Variants in MGST1 observed in about 807,000 individuals in gnomAD.
MGST1 encodes the protein microsomal glutathione S-transferase 1, also known as glutathione S-transferase 12.
MGST1 carries 5 observed loss-of-function variants against 8.9 expected under a neutral mutation model. That is an observed-to-expected ratio of 0.56 (90% CI 0.29 to 1.19). The LOEUF is 1.19. MGST1 is among the 50% of genes most tolerant of loss of function. The pLI, the probability that MGST1 is intolerant of heterozygous loss-of-function variation, is 0.08. For missense variants in MGST1, 182 were observed against 187.4 expected, an observed-to-expected ratio of 0.97 and a Z score of 0.17; for synonymous variants, 54 against 67.8, an observed-to-expected ratio of 0.80 and a Z score of 1.00.
intron 4 of MGST1, among the ~76,000 whole-genome samples, chr12:16,506,583 AG>A (rs1941539025): frequency 1.3e-5 from 2 of 152,156 alleles, no homozygotes; most frequent in Admixed American, 6.5e-5. Context: ...TATAGAGCTG[AG>A]GTCATCATAC....
In MGST1 at chr12:16,474,476, A is replaced by C. The variant is rs149945470; in HGVS notation, n.482+90872A>C. Among the ~76,000 whole-genome samples the C allele has an allele frequency of 2.3e-4, 35 of 152,344 alleles. No homozygotes were observed. In the East Asian group the frequency reaches 6.6e-3, roughly 29 times the overall value. ...GCCAAGACTCTTGGATATCAATACC[A>C]AAGCAGACTTTCAAAATTACTCTAC... On this transcript the variant is annotated intron_variant and non_coding_transcript_variant, in intron 4 of 4. Transcript: ENST00000538857.
chr12:16,547,667 GCTTT>G lies in MGST1; in HGVS notation n.483-41858_483-41855del, dbSNP rs1371857536. Among the ~76,000 whole-genome samples the G allele has an allele frequency of 1.3e-5, 2 of 152,042 alleles. No individual in the cohort carries two copies. Among genetic ancestry groups the G allele is most frequent in the Admixed American group, 6.6e-5 (1 of 15,260 alleles). ...TTAAACTAATGACTATTAAATCTCTGCTTTCTATTACCTTAAATTACATTAAAAC... is the reference window on the plus strand; with the variant it reads ...TTAAACTAATGACTATTAAATCTCTGCTATTACCTTAAATTACATTAAAAC... On this transcript the variant is annotated intron_variant and non_coding_transcript_variant, in intron 4 of 4. Transcript: ENST00000538857. The surrounding 1 kb of genome is among the most constrained non-coding windows in gnomAD (Gnocchi z 4.6).
At position 16,582,003 on chromosome 12, in the gene MGST1, T is replaced by G. The variant is rs1303480988; in HGVS notation, n.483-7525T>G. ...TATTTACTTCGTTTTCTTATCTTATTACATTGGCTAGACCCTTTAAAACAT... is the reference window on the plus strand; with the variant it reads ...TATTTACTTCGTTTTCTTATCTTATGACATTGGCTAGACCCTTTAAAACAT... On this transcript the variant is annotated intron_variant and non_coding_transcript_variant, in intron 4 of 4. Coordinates refer to the MGST1 transcript ENST00000538857. The surrounding 1 kb of genome is among the most constrained non-coding windows in gnomAD (Gnocchi z 4.1). Among the ~76,000 whole-genome samples, 1 of 152,194 alleles carries G rather than the reference T, an allele frequency of 6.6e-6. No homozygotes were observed. Among genetic ancestry groups the G allele is most frequent in the Non-Finnish European group, 1.5e-5 (1 of 68,028 alleles).
Position 16,546,651 on chromosome 12 carries a change from T to C in MGST1, n.483-42877T>C, listed in dbSNP as rs1366331214. Among the ~76,000 whole-genome samples, 1 of 152,166 alleles carries C rather than the reference T, an allele frequency of 6.6e-6. No homozygotes were observed. Among genetic ancestry groups the C allele is most frequent in the Non-Finnish European group, 1.5e-5 (1 of 68,004 alleles). On this transcript the variant is annotated intron_variant and non_coding_transcript_variant, in intron 4 of 4. Coordinates refer to the MGST1 transcript ENST00000538857. The surrounding 1 kb of genome is among the most constrained non-coding windows in gnomAD (Gnocchi z 4.7). ...TTCAGTGTGTGTAATTGTTAACACC[T>C]GCTATGTGTTACCAACAGATGTTTC... is the stretch of plus-strand genomic sequence containing the variant.
chr12:16,401,082 T>A lies in MGST1; in HGVS notation n.778+17478T>A. 3 of 1,593,994 alleles carry A rather than the reference T, an allele frequency of 1.9e-6. No individual in the cohort carries two copies. Among genetic ancestry groups the A allele is most frequent in the South Asian group, 1.1e-5 (1 of 90,640 alleles). On this transcript the variant is annotated intron_variant and non_coding_transcript_variant, in intron 1 of 1. Coordinates refer to the MGST1 transcript ENST00000359720. This position sits in a 1 kb window ranked among gnomAD's most constrained non-coding sequence, Gnocchi z 4.3. ...GAGAACCTCTTCCCAAAAGGTCCTCTGCCTCATCTTTCTCCTCCTCCTCCT... is the reference window on the plus strand; with the variant it reads ...GAGAACCTCTTCCCAAAAGGTCCTCAGCCTCATCTTTCTCCTCCTCCTCCT...
chr12:16,404,871 T>C (rs1052707995), intron 1 of MGST1, among the ~76,000 whole-genome samples: 3 of 152,188 alleles, frequency 2.0e-5, no homozygotes, highest in African/African-American at 7.2e-5. Context: ...TTTTTTACAG[T>C]TGACTTGAGT....
rs1943190674 is a variant in MGST1 at position 16,582,436 on chromosome 12, T to A, written n.483-7092T>A. Among the ~76,000 whole-genome samples, 1 of 152,230 alleles carries A rather than the reference T, an allele frequency of 6.6e-6. No homozygotes were observed. The highest frequency in any genetic ancestry group is 1.5e-5 in the Non-Finnish European group (1 of 68,042). ...TAGCATTAGTGTTTTATATTTTATATTGTCTTTATCAGGTCAAGGTACTGT... is the reference window on the plus strand; with the variant it reads ...TAGCATTAGTGTTTTATATTTTATAATGTCTTTATCAGGTCAAGGTACTGT... On this transcript the variant is annotated intron_variant and non_coding_transcript_variant, in intron 4 of 4. Coordinates refer to the MGST1 transcript ENST00000538857. The surrounding 1 kb of genome is among the most constrained non-coding windows in gnomAD (Gnocchi z 4.1).
chr12:16,519,080 A>G (rs1381359963), intron 4 of MGST1, among the ~76,000 whole-genome samples: 3 of 152,198 alleles, frequency 2.0e-5, no homozygotes, highest in Non-Finnish European at 4.4e-5. Context: ...TCTGGAACCA[A>G]TAGAGCTGGG....
At chr12:16,395,804 T>TATATATATATATATATATATACAC (rs1338860243) in intron 1 of MGST1, among the ~76,000 whole-genome samples, 3 of 123,752 alleles carry the variant, frequency 2.4e-5, no homozygotes, top group Admixed American at 1.6e-4. Flanking sequence ...TATATATATA[T>TATATATATATATATATATATACAC]ACACACACAC....
chr12:16,463,452 A>C (rs1941234260), intron 4 of MGST1, among the ~76,000 whole-genome samples: 1 of 106,002 alleles, frequency 9.4e-6, no homozygotes, highest in Admixed American at 1.1e-4. Context: ...GGGGGGAGGG[A>C]GGGCATCAGG....
chr12:16,467,059 TA>T (rs914266945), intron 4 of MGST1, among the ~76,000 whole-genome samples: 3 of 152,092 alleles, frequency 2.0e-5, no homozygotes, highest in African/African-American at 4.8e-5. Context: ...TTCTTTTATT[TA>T]AAAAAAAATT....
At chr12:16,434,163 A>G (rs1940963841) in intron 1 of MGST1, among the ~76,000 whole-genome samples, 1 of 152,130 alleles carries the variant, frequency 6.6e-6, no homozygotes, top group African/African-American at 2.4e-5. Context: ...TTATAGGAAC[A>G]AGATAAATAT....
chr12:16,378,793 T>G (rs1940419282), downstream of MGST1, among the ~76,000 whole-genome samples: 2 of 151,980 alleles, frequency 1.3e-5, no homozygotes, highest in Middle Eastern at 3.4e-3. Context: ...GGAATGTTCT[T>G]CCATTTGTTT....
At chr12:16,400,118 C>G (rs139782687) in intron 1 of MGST1, 2 of 1,537,436 alleles carry the variant, frequency 1.3e-6, no homozygotes, top group Non-Finnish European at 1.8e-6. Context: ...TGCCTCATTT[C>G]TCGTTCCATC....
downstream of MGST1, among the ~76,000 whole-genome samples, chr12:16,379,844 A>G (rs1045596552): frequency 7.2e-5 from 11 of 152,190 alleles, no homozygotes; most frequent in African/African-American, 2.7e-4. Flanking sequence ...TGGTCTGTTC[A>G]GAGATTCAAC....
At chr12:16,474,661 C>T (rs1006323133) in intron 4 of MGST1, among the ~76,000 whole-genome samples, 3 of 152,148 alleles carry the variant, frequency 2.0e-5, no homozygotes, top group African/African-American at 7.2e-5. Context: ...CCTTCCCCTA[C>T]TGCCACTTTT....
At chr12:16,478,805 G>A (rs961258827) in intron 4 of MGST1, among the ~76,000 whole-genome samples, 3 of 151,836 alleles carry the variant, frequency 2.0e-5, no homozygotes, top group South Asian at 2.1e-4. Flanking sequence ...TGTTTTTTTA[G>A]TTTATTGACA....
chr12:16,519,328 T>C (rs1040669540), intron 4 of MGST1, among the ~76,000 whole-genome samples: 5 of 152,222 alleles, frequency 3.3e-5, no homozygotes, highest in Non-Finnish European at 7.3e-5. Context: ...TATTTGATTT[T>C]TTATCTGGCT....
chr12:16,509,246 C>A, intron 4 of MGST1, among the ~76,000 whole-genome samples: 1 of 152,032 alleles, frequency 6.6e-6, no homozygotes, highest in Admixed American at 6.5e-5. Context: ...TATTATGACC[C>A]TGCCTCCCCC....
Sources: gnomAD v4.1 joint callset for allele counts (sites outside exome capture counted in the v4.1 genomes callset) on GRCh38, gnomAD v4.1.1 for gene constraint, Gnocchi (gnomAD v3.1) non-coding constraint, MANE v1.5 for transcripts, NCBI Gene and HGNC (gene_info 2026-07-23, HGNC 2026-07-21) for gene names.